SGCZ: variants seen among roughly 807,000 people sequenced by gnomAD.
The protein encoded by SGCZ is sarcoglycan zeta.
Under a neutral mutation model 41.3 loss-of-function variants are expected in SGCZ, and 40 were observed. That is an observed-to-expected ratio of 0.97 (90% CI 0.75 to 1.26). The LOEUF (loss-of-function observed/expected upper bound fraction) is 1.26. SGCZ is among the 50% of genes most tolerant of loss of function. SGCZ has a pLI of 0.00. For missense variants in SGCZ, 552 were observed against 369.8 expected (o/e 1.49, Z -4.04); for synonymous variants, 206 against 137.5 (o/e 1.50, Z -3.49).
At chr8:14,678,802 C>A (rs73525593) in intron 1 of SGCZ, among the ~76,000 whole-genome samples, 3,264 of 152,114 alleles carry the variant, frequency 0.021, 116 homozygotes, top group African/African-American at 0.075. Context: ...AGTAGGTGAA[C>A]AGATAAATAC....
intron 2 of SGCZ, among the ~76,000 whole-genome samples, chr8:14,482,311 G>C (rs12543647): frequency 1.3e-5 from 2 of 151,992 alleles, no homozygotes; most frequent in Non-Finnish European, 2.9e-5. Context: ...ACCTTTTACG[G>C]AAAGCATACA....
rs566878765 is a variant in SGCZ at position 14,472,768 on chromosome 8, T to G, written c.234+81964A>C. On this transcript the variant is annotated intron_variant, in intron 2 of 7. Coordinates refer to ENST00000382080, the MANE Select transcript of SGCZ (RefSeq NM_139167.4). ...TATTCTATACAAATTTGTTTGTGTA[T>G]GTAGAATAGTTTAAAAACTAATATT... Among the ~76,000 whole-genome samples, 58 of 152,290 alleles carry G rather than the reference T, an allele frequency of 3.8e-4. 1 individual carries two copies. The highest frequency in any genetic ancestry group is 1.3e-3 in the African/African-American group (55 of 41,572).
intron 1 of SGCZ, among the ~76,000 whole-genome samples, chr8:15,130,049 T>G (rs2116970839): frequency 6.6e-6 from 1 of 152,324 alleles, no homozygotes; most frequent in Middle Eastern, 3.4e-3. Context: ...TTCTCTCTTC[T>G]AATCAGAATG....
chr8:14,694,332 T>C (rs1171194823), intron 1 of SGCZ, among the ~76,000 whole-genome samples: 1 of 152,234 alleles, frequency 6.6e-6, no homozygotes, highest in Non-Finnish European at 1.5e-5. Flanking sequence ...TGCCCTTTAA[T>C]ACAGGCAAAG....
chr8:15,121,153 C>T (rs1352849226), intron 1 of SGCZ, among the ~76,000 whole-genome samples: 1 of 152,162 alleles, frequency 6.6e-6, no homozygotes, highest in African/African-American at 2.4e-5. Context: ...TTCCATCTTA[C>T]CCTTCTTTGG....
chr8:14,488,486 T>C (rs1368548615), intron 2 of SGCZ, among the ~76,000 whole-genome samples: 1 of 151,904 alleles, frequency 6.6e-6, no homozygotes, highest in Non-Finnish European at 1.5e-5. Context: ...TTCAATAAAG[T>C]TGCAATTGCC....
intron 3 of SGCZ, among the ~76,000 whole-genome samples, chr8:14,322,903 G>A (rs759593882): frequency 1.3e-5 from 2 of 151,958 alleles, no homozygotes; most frequent in Admixed American, 6.6e-5. Flanking sequence ...TTTTGTTTCC[G>A]CTTTTCACAA....
chr8:15,073,595 G>C (rs1421341400), intron 1 of SGCZ, among the ~76,000 whole-genome samples: 1 of 152,130 alleles, frequency 6.6e-6, no homozygotes, highest in Non-Finnish European at 1.5e-5. Flanking sequence ...GAAAGCAACT[G>C]CTCTCCATAA....
At chr8:14,418,037 C>G (rs2117296952) in intron 2 of SGCZ, among the ~76,000 whole-genome samples, 1 of 151,830 alleles carries the variant, frequency 6.6e-6, no homozygotes, top group South Asian at 2.1e-4. Context: ...CCAGTTGTTT[C>G]ATAGGCTATG....
At chr8:14,423,077 C>T (rs1799678664) in intron 2 of SGCZ, among the ~76,000 whole-genome samples, 1 of 151,986 alleles carries the variant, frequency 6.6e-6, no homozygotes, top group African/African-American at 2.4e-5. Context: ...TGTTTTGAAC[C>T]CATGAGTGTT....
chr8:15,018,393 C>A (rs940120162), intron 1 of SGCZ, among the ~76,000 whole-genome samples: 2 of 152,194 alleles, frequency 1.3e-5, no homozygotes, highest in East Asian at 3.9e-4. Flanking sequence ...AGGGAGTAAT[C>A]AGTATTACAG....
intron 2 of SGCZ, among the ~76,000 whole-genome samples, chr8:14,325,747 CATATAT>C (rs370021799): frequency 0.025 from 1,751 of 68,960 alleles, 12 homozygotes; most frequent in Middle Eastern, 0.036. Context: ...CACACACACA[CATATAT>C]ATATATATAT....
intron 1 of SGCZ, among the ~76,000 whole-genome samples, chr8:14,776,341 A>C (rs1258419134): frequency 6.6e-6 from 1 of 151,884 alleles, no homozygotes; most frequent in African/African-American, 2.4e-5. Context: ...GGTTTTATAA[A>C]TGCAAGTTCC....
In SGCZ at chr8:14,118,900, T is replaced by C. The variant is rs539108162; in HGVS notation, c.548-10665A>G. On this transcript the variant is annotated intron_variant, in intron 5 of 7. Coordinates refer to ENST00000382080, the MANE Select transcript of SGCZ (RefSeq NM_139167.4). ...TGTGTGGTGTTATTTCCGAAGTTTC[T>C]GTTCCGTTGCATTGGTCTACATATC... Among the ~76,000 whole-genome samples the C allele has an allele frequency of 2.7e-4, 41 of 152,340 alleles. 1 individual carries two copies. The highest frequency in any genetic ancestry group is 9.1e-4 in the African/African-American group (38 of 41,580).
intron 3 of SGCZ, among the ~76,000 whole-genome samples, chr8:14,318,948 A>AT (rs398086359): frequency 1.3e-5 from 2 of 151,868 alleles, no homozygotes; most frequent in Admixed American, 1.3e-4. Context: ...TACAAAAAAA[A>AT]ATATGAATTA....
chr8:15,035,904 G>A, intron 1 of SGCZ, among the ~76,000 whole-genome samples: 1 of 151,920 alleles, frequency 6.6e-6, no homozygotes, highest in Non-Finnish European at 1.5e-5. Flanking sequence ...CTTTAATATT[G>A]CATTTTCGGT....
At chr8:14,260,135 A>G (rs1321777467) in intron 3 of SGCZ, among the ~76,000 whole-genome samples, 1 of 152,152 alleles carries the variant, frequency 6.6e-6, no homozygotes, top group African/African-American at 2.4e-5. Flanking sequence ...GGTGTATAAG[A>G]AACTACCATC....
At chr8:14,616,897 G>T (rs190217094) in intron 1 of SGCZ, among the ~76,000 whole-genome samples, 2 of 152,112 alleles carry the variant, frequency 1.3e-5, no homozygotes, top group East Asian at 1.9e-4. Flanking sequence ...AATTTAGTTG[G>T]AAAGTTACAG....
At chr8:14,284,481 T>A (rs35372448) in intron 3 of SGCZ, among the ~76,000 whole-genome samples, 28,021 of 152,238 alleles carry the variant, frequency 0.18, 2,942 homozygotes, top group African/African-American at 0.27. Flanking sequence ...CTAGTTTATC[T>A]TTTTTGTTTT....
Sources: gnomAD v4.1 joint callset for allele counts (sites outside exome capture counted in the v4.1 genomes callset) on GRCh38, gnomAD v4.1.1 for gene constraint, MANE v1.5 for transcripts, NCBI Gene and HGNC (gene_info 2026-07-23, HGNC 2026-07-21) for gene names.